Variants in VWA3B observed in about 807,000 individuals in gnomAD.
The protein encoded by VWA3B is von Willebrand factor A domain-containing protein 3B.
Under a neutral mutation model 158.3 loss-of-function variants are expected in VWA3B, and 138 were observed. The ratio of observed to expected loss-of-function variants is 0.87; its 90% CI spans 0.76 to 1.00. VWA3B has a LOEUF of 1.00. Among genes scored for constraint, VWA3B ranks in the 50% least tolerant of loss-of-function variants. VWA3B has a pLI of 0.00. For synonymous variants in VWA3B, 596 were observed against 587.3 expected, an observed-to-expected ratio of 1.01 and a Z score of -0.21; for missense variants, 1,555 against 1,565.1, an observed-to-expected ratio of 0.99 and a Z score of 0.11.
Position 98,236,667 on chromosome 2 carries a change from C to G in VWA3B, c.2610C>G (p.Val870=). The change falls in exon 19 of 28, where the codon GTC becomes GTG. Residue 870 remains valine (V), a synonymous_variant. Coordinates refer to ENST00000477737, the MANE Select transcript of VWA3B (RefSeq NM_144992.5). The stretch of plus-strand genomic sequence containing the variant: ...TGGATGCCTTGTCAGTGGCAGCAGT[C>G]CCGCACAGCTCCACCTATGTTCCCG... ...TLMDALSVAA[V]PHSSTYVPVL... is the part of the protein sequence containing the mutation. 3 of 1,614,218 alleles carry G rather than the reference C, an allele frequency of 1.9e-6. No homozygotes were observed. The highest frequency in any genetic ancestry group is 1.7e-6 in the Non-Finnish European group (2 of 1,180,044).
At chr2:98,233,656 C>G (rs1245784515) in intron 16 of VWA3B, among the ~76,000 whole-genome samples, 1 of 152,204 alleles carries the variant, frequency 6.6e-6, no homozygotes, top group Non-Finnish European at 1.5e-5. Flanking sequence ...ATAGCACACT[C>G]CTTCTCTATG....
chr2:98,203,192 A>G (rs1261594971), intron 12 of VWA3B, among the ~76,000 whole-genome samples: 1 of 152,172 alleles, frequency 6.6e-6, no homozygotes, highest in Non-Finnish European at 1.5e-5. Context: ...TGAAAAGGCT[A>G]TTCCTCCTCT....
chr2:98,283,872 C>G (rs1204809358), intron 22 of VWA3B, among the ~76,000 whole-genome samples: 1 of 152,228 alleles, frequency 6.6e-6, no homozygotes, highest in Non-Finnish European at 1.5e-5. Flanking sequence ...GTGGGCAGCA[C>G]CCAATCCTGT....
At chr2:98,251,219 T>G (rs1259829501) in intron 20 of VWA3B, among the ~76,000 whole-genome samples, 1 of 152,182 alleles carries the variant, frequency 6.6e-6, no homozygotes, top group Non-Finnish European at 1.5e-5. Context: ...TTAAAGAAAC[T>G]ATCTTCCCTT....
chr2:98,162,732 G>A lies in VWA3B; in HGVS notation c.989-119G>A, dbSNP rs1411437548. The A allele has an allele frequency of 7.2e-6, 10 of 1,381,990 alleles. No homozygotes were observed. In the East Asian group the frequency reaches 2.5e-4, roughly 35 times the overall value. The allele number at this position is 1,381,990 out of a possible 1,614,324, so 85.6% of individuals were successfully genotyped here. ...CAGAAAGAGATTAGTGGGGGAAGCG[G>A]AATTTGATGTTCAGAAATGTTCCAG... is the stretch of plus-strand genomic sequence containing the variant. On this transcript the variant is annotated intron_variant, in intron 7 of 27. Transcript: ENST00000477737.
chr2:98,311,847 T>A lies in VWA3B; in HGVS notation c.3550T>A (p.Phe1184Ile). 1 of 1,611,168 alleles carries A rather than the reference T, an allele frequency of 6.2e-7. No individual in the cohort carries two copies. Among genetic ancestry groups the A allele is most frequent in the Non-Finnish European group, 8.5e-7 (1 of 1,178,846 alleles). Residue 1184 changes from phenylalanine to isoleucine, a missense_variant, in exon 27 of 28, where the codon TTC becomes ATC. Phe to Ile is a conservative substitution (Grantham distance 21, BLOSUM62 0). Transcript: ENST00000477737. The stretch of plus-strand genomic sequence containing the variant: ...GGATGTGGAGGCGAGGAACTCTGCT[T>A]TCCTCTTCTGGCCACTGAAAGAAGC... ...VEDVEARNSA[F>I]LFWPLKEADT... is the part of the protein sequence containing the mutation.
chr2:98,207,460 TC>T, intron 12 of VWA3B: 1 of 496,286 alleles, frequency 2.0e-6, no homozygotes. Flanking sequence ...ATTGTCATAA[TC>T]CATATTGGGT....
intron 8 of VWA3B, among the ~76,000 whole-genome samples, chr2:98,175,708 T>C (rs1490388768): frequency 2.0e-5 from 3 of 152,136 alleles, no homozygotes; most frequent in Non-Finnish European, 2.9e-5. Context: ...AATTTACCCA[T>C]CCAAGAAGCA....
downstream of VWA3B, among the ~76,000 whole-genome samples, chr2:98,315,248 CT>C (rs1394815340): frequency 6.6e-6 from 1 of 152,098 alleles, no homozygotes; most frequent in African/African-American, 2.4e-5. Flanking sequence ...CTGAATAAAT[CT>C]GTACTTTTAG....
intron 21 of VWA3B, among the ~76,000 whole-genome samples, chr2:98,267,752 C>G (rs969854182): frequency 6.6e-5 from 10 of 151,942 alleles, no homozygotes; most frequent in Non-Finnish European, 1.2e-4. Context: ...GATCCAGGAG[C>G]TGGTTTTTTG....
intron 7 of VWA3B, among the ~76,000 whole-genome samples, chr2:98,139,196 C>G (rs554149958): frequency 6.6e-6 from 1 of 152,236 alleles, no homozygotes; most frequent in South Asian, 2.1e-4. Flanking sequence ...GCCGGCCCAC[C>G]GGAGCTGCTC....
intron 8 of VWA3B, among the ~76,000 whole-genome samples, chr2:98,174,422 C>G (rs1206429118): frequency 6.6e-6 from 1 of 152,200 alleles, no homozygotes; most frequent in Non-Finnish European, 1.5e-5. Flanking sequence ...TGTTCACTGG[C>G]TCTCTGGAAG....
chr2:98,224,962 T>TC (rs948342878), intron 14 of VWA3B, among the ~76,000 whole-genome samples: 2 of 146,328 alleles, frequency 1.4e-5, no homozygotes, highest in Non-Finnish European at 3.1e-5. Context: ...GAATATTTGT[T>TC]CTTTTTTTTT....
chr2:98,312,493 C>A lies in VWA3B; in HGVS notation c.*144C>A. 1 of 987,054 alleles carries A rather than the reference C, an allele frequency of 1.0e-6. No homozygotes were observed. Among genetic ancestry groups the A allele is most frequent in the Non-Finnish European group, 1.4e-6 (1 of 696,818 alleles). The allele number at this position is 987,054 out of a possible 1,614,324, so 61.1% of individuals were successfully genotyped here. A position where few individuals can be genotyped will look rare whatever the true frequency, so the allele number is the denominator to read the frequency against. On this transcript the variant is annotated 3_prime_UTR_variant, in exon 28 of 28. Coordinates refer to ENST00000477737, the MANE Select transcript of VWA3B (RefSeq NM_144992.5). ...GCCTGCCCTGTCTGTAGCAAAGACT[C>A]CTCTCCCCTCCATCCCTGCTGCCTC...
intron 7 of VWA3B, among the ~76,000 whole-genome samples, chr2:98,156,106 C>G (rs1678048634): frequency 6.6e-6 from 1 of 152,154 alleles, no homozygotes; most frequent in Admixed American, 6.5e-5. Flanking sequence ...TTCTGAGGAC[C>G]ACACTCTGGG....
intron 2 of VWA3B, among the ~76,000 whole-genome samples, chr2:98,104,181 C>G (rs887002116): frequency 6.6e-6 from 1 of 152,098 alleles, no homozygotes; most frequent in Admixed American, 6.5e-5. Context: ...TTAATTCAAC[C>G]AATTAATTAA....
intron 3 of VWA3B, among the ~76,000 whole-genome samples, chr2:98,117,352 T>C (rs1288160515): frequency 6.6e-6 from 1 of 152,204 alleles, no homozygotes; most frequent in African/African-American, 2.4e-5. Flanking sequence ...ATTGGCTTAG[T>C]TTCCGGATGC....
intron 12 of VWA3B, among the ~76,000 whole-genome samples, chr2:98,204,642 G>A (rs1682861133): frequency 6.6e-6 from 1 of 152,100 alleles, no homozygotes; most frequent in Admixed American, 6.6e-5. Context: ...TTGTGTCCAG[G>A]TTCATGAGAG....
intron 21 of VWA3B, among the ~76,000 whole-genome samples, chr2:98,268,923 T>C (rs1266493074): frequency 6.6e-6 from 1 of 152,114 alleles, no homozygotes; most frequent in African/African-American, 2.4e-5. Context: ...ATTCTCCACG[T>C]AAAGGTCTTT....
Sources: allele counts gnomAD v4.1 joint callset (sites outside exome capture counted in the v4.1 genomes callset), GRCh38; gene constraint gnomAD v4.1.1; transcripts MANE v1.5; gene names NCBI Gene and HGNC (gene_info 2026-07-23, HGNC 2026-07-21).